The following RBPJ variants were observed in gnomAD, a reference collection of about 807,000 sequenced individuals.
The protein encoded by RBPJ is recombination signal binding protein for immunoglobulin kappa J region.
Under a neutral mutation model 67.8 loss-of-function variants are expected in RBPJ, and 9 were observed. The ratio of observed to expected loss-of-function variants is 0.13; its 90% CI spans 0.08 to 0.23. The LOEUF is 0.23. Ranked by LOEUF, RBPJ falls within the 10% of genes least tolerant of loss-of-function variation. The pLI, the probability that RBPJ is intolerant of heterozygous loss-of-function variation, is 1.00. For synonymous variants in RBPJ, 198 were observed against 203.3 expected (o/e 0.97, Z 0.22); for missense variants, 305 against 595.6 (o/e 0.51, Z 5.08).
At chr4:26,175,390 T>G (rs1040379324) in intron 1 of RBPJ, among the ~76,000 whole-genome samples, 2 of 151,330 alleles carry the variant, frequency 1.3e-5, no homozygotes, top group African/African-American at 2.4e-5. Context: ...GGGGGGGATT[T>G]GAGTCTGGGG....
chr4:26,383,926 C>G (rs1379416344), intron 1 of RBPJ: 3 of 152,186 alleles, frequency 2.0e-5, no homozygotes, highest in Non-Finnish European at 4.4e-5. Context: ...CTGGTGCGAT[C>G]TCAGCTCACT....
upstream of RBPJ, chr4:26,320,975 A>C (rs1354119441): frequency 1.3e-6 from 2 of 1,552,700 alleles, no homozygotes; most frequent in Non-Finnish European, 1.8e-6. Flanking sequence ...GGACCAGGGA[A>C]GGCGTCGGGG....
intron 1 of RBPJ, among the ~76,000 whole-genome samples, chr4:26,252,648 T>C (rs1720152909): frequency 6.6e-6 from 1 of 152,184 alleles, no homozygotes; most frequent in Non-Finnish European, 1.5e-5. Context: ...ATAATAAATC[T>C]TAACATTTAA....
intron 1 of RBPJ, among the ~76,000 whole-genome samples, chr4:26,174,074 G>T (rs1259493572): frequency 1.3e-5 from 2 of 152,212 alleles, no homozygotes; most frequent in Non-Finnish European, 2.9e-5. Context: ...AGTACTGAAT[G>T]AATTCATTCT....
intron 1 of RBPJ, among the ~76,000 whole-genome samples, chr4:26,350,145 G>T (rs964142967): frequency 6.6e-6 from 1 of 152,122 alleles, no homozygotes; most frequent in Non-Finnish European, 1.5e-5. Context: ...ATGTTTTCCT[G>T]TAGATACTTT....
chr4:26,261,668 T>C (rs983703722), intron 1 of RBPJ, among the ~76,000 whole-genome samples: 6 of 152,226 alleles, frequency 3.9e-5, no homozygotes, highest in Non-Finnish European at 1.5e-5. Context: ...AGTGGAATAT[T>C]GTATTATACT....
chr4:26,409,389 G>C (rs993633598), intron 3 of RBPJ, among the ~76,000 whole-genome samples: 2 of 152,190 alleles, frequency 1.3e-5, no homozygotes, highest in Non-Finnish European at 2.9e-5. Flanking sequence ...CTGGGCGGCA[G>C]AGTGAGACTC....
intron 1 of RBPJ, among the ~76,000 whole-genome samples, chr4:26,290,678 A>G (rs1435499249): frequency 1.3e-5 from 2 of 150,998 alleles, no homozygotes; most frequent in Non-Finnish European, 3.0e-5. Context: ...AAAAGAAATC[A>G]AGTTTAACTT....
chr4:26,198,556 G>A (rs543190093), intron 1 of RBPJ, among the ~76,000 whole-genome samples: 1 of 152,300 alleles, frequency 6.6e-6, no homozygotes, highest in South Asian at 2.1e-4. Flanking sequence ...TCTTGTGCCA[G>A]ACCCTGTTCT....
rs1203094356 is a variant in RBPJ at position 26,278,108 on chromosome 4, C to T, written c.-166-84338C>T. Among the ~76,000 whole-genome samples, 3 of 152,308 alleles carry T rather than the reference C, an allele frequency of 2.0e-5. No homozygotes were observed. In the South Asian group the frequency reaches 6.2e-4, roughly 32 times the overall value. On this transcript the variant is annotated intron_variant, in intron 1 of 4. Transcript: ENST00000512351. The stretch of plus-strand genomic sequence containing the variant: ...GGCATTGACATTCTGATTAGGAACT[C>T]TTCGCTGATTCTGCTCCTTTACCTT...
intron 1 of RBPJ, among the ~76,000 whole-genome samples, chr4:26,237,794 G>C (rs1415198132): frequency 6.6e-6 from 1 of 152,174 alleles, no homozygotes; most frequent in Non-Finnish European, 1.5e-5. Context: ...CTGGTGTTTG[G>C]ATCCCAATAA....
At chr4:26,218,365 G>T (rs146357097) in intron 1 of RBPJ, among the ~76,000 whole-genome samples, 1 of 152,168 alleles carries the variant, frequency 6.6e-6, no homozygotes, top group African/African-American at 2.4e-5. Context: ...GGCCGCCTGA[G>T]GAAACTCCCC....
chr4:26,311,454 G>A (rs1173250508), intron 1 of RBPJ, among the ~76,000 whole-genome samples: 3 of 151,876 alleles, frequency 2.0e-5, no homozygotes, highest in Middle Eastern at 3.2e-3. Flanking sequence ...CAGGTGAATT[G>A]CTTGAACCCA....
intron 1 of RBPJ, among the ~76,000 whole-genome samples, chr4:26,220,644 G>A (rs1015802289): frequency 2.0e-5 from 3 of 152,304 alleles, no homozygotes; most frequent in Middle Eastern, 3.4e-3. Context: ...GATTCAGACT[G>A]AACAATCATT....
chr4:26,127,478 G>A, the RBPJ span, among the ~76,000 whole-genome samples: 1 of 152,152 alleles, frequency 6.6e-6, no homozygotes, highest in South Asian at 2.1e-4. Flanking sequence ...TGTGGGCAGA[G>A]CTGGAGGAAA....
chr4:26,167,109 G>T (rs1716346172), intron 1 of RBPJ, among the ~76,000 whole-genome samples: 1 of 151,994 alleles, frequency 6.6e-6, no homozygotes, highest in Non-Finnish European at 1.5e-5. Context: ...TGCTGTTTTG[G>T]TTACTGTAGC....
intron 1 of RBPJ, among the ~76,000 whole-genome samples, chr4:26,285,336 A>G (rs554972942): frequency 9.2e-4 from 116 of 126,186 alleles, no homozygotes; most frequent in African/African-American, 3.5e-3. Context: ...TGCCACCTCC[A>G]TTCAGTTATC....
At chr4:26,288,433 C>T (rs1366089720) in intron 1 of RBPJ, among the ~76,000 whole-genome samples, 2 of 152,214 alleles carry the variant, frequency 1.3e-5, no homozygotes, top group African/African-American at 2.4e-5. Context: ...CAGTTGGCTT[C>T]TTCTGCAATG....
At chr4:26,175,943 AAG>A (rs1716780743) in intron 1 of RBPJ, among the ~76,000 whole-genome samples, 1 of 152,146 alleles carries the variant, frequency 6.6e-6, no homozygotes, top group Admixed American at 6.5e-5. Context: ...GATCCACCCT[AAG>A]AGGGAAAGGT....
Sources: allele counts gnomAD v4.1 joint callset (sites outside exome capture counted in the v4.1 genomes callset), GRCh38; gene constraint gnomAD v4.1.1; transcripts MANE v1.5; gene names NCBI Gene and HGNC (gene_info 2026-07-23, HGNC 2026-07-21).